The following TEKTIP1 variants were observed in gnomAD, a reference collection of about 807,000 sequenced individuals.
TEKTIP1 encodes the protein tektin bundle interacting protein 1.
At chr19:3,543,182 C>T in the TEKTIP1 span, 33 of 1,526,216 alleles carry the variant, frequency 2.2e-5, no homozygotes, top group South Asian at 3.1e-4. Context: ...GCAAAGGGGT[C>T]AAAGCACTCG....
the TEKTIP1 span, chr19:3,543,217 C>G: frequency 3.2e-6 from 5 of 1,538,604 alleles, no homozygotes; most frequent in Admixed American, 5.9e-5. Flanking sequence ...TCAGTCTCTG[C>G]CCCCTGCCCA....
the TEKTIP1 span, chr19:3,541,755 G>C: frequency 3.0e-6 from 3 of 985,270 alleles, no homozygotes; most frequent in African/African-American, 5.2e-5. Context: ...TGGCAGGTGG[G>C]TACGGGGCCG....
chr19:3,542,798 C>G, the TEKTIP1 span: 1 of 1,370,638 alleles, frequency 7.3e-7, no homozygotes, highest in African/African-American at 1.5e-5. Context: ...GTCCCCCAGT[C>G]TTCCCTGGGC....
At chr19:3,542,705 A>T in the TEKTIP1 span, 1 of 1,271,448 alleles carries the variant, frequency 7.9e-7, no homozygotes, top group Non-Finnish European at 1.0e-6. Context: ...CTGGTCTCGA[A>T]CTCCTGACCT....
At chr19:3,543,365 G>C in the TEKTIP1 span, 1 of 1,549,174 alleles carries the variant, frequency 6.5e-7, no homozygotes, top group Non-Finnish European at 8.7e-7. Flanking sequence ...CAACTCGGAC[G>C]CCTGGGAAGC....
chr19:3,543,433 G>A, the TEKTIP1 span: 4 of 1,545,598 alleles, frequency 2.6e-6, no homozygotes, highest in South Asian at 4.8e-5. Flanking sequence ...ACAACCGCTG[G>A]CACAGCTGCT....
At chr19:3,542,177 G>A in the TEKTIP1 span, 374 of 985,368 alleles carry the variant, frequency 3.8e-4, no homozygotes, top group Non-Finnish European at 4.3e-4. Context: ...AAAAGGGTGA[G>A]GTTCTCCTGA....
the TEKTIP1 span, chr19:3,541,556 C>T: frequency 8.8e-6 from 5 of 569,596 alleles, no homozygotes; most frequent in East Asian, 7.0e-4. Flanking sequence ...CTCCTGACCT[C>T]ATGATCCGCC....
the TEKTIP1 span, chr19:3,539,254 T>A: frequency 6.5e-7 from 1 of 1,548,286 alleles, no homozygotes; most frequent in Non-Finnish European, 8.7e-7. Context: ...CCAGCACCGC[T>A]GTACAGGTGA....
the TEKTIP1 span, chr19:3,543,086 G>T: frequency 1.3e-6 from 2 of 1,567,798 alleles, no homozygotes; most frequent in East Asian, 4.6e-5. Flanking sequence ...GAGGGGTACA[G>T]GGCTGAAGGA....
the TEKTIP1 span, chr19:3,539,306 T>TC: frequency 1.3e-6 from 1 of 754,902 alleles, no homozygotes; most frequent in Non-Finnish European, 1.7e-6. Flanking sequence ...CCTCCCTCCC[T>TC]CCCTCCCTGG....
the TEKTIP1 span, chr19:3,539,363 C>T: frequency 0.024 from 17,110 of 701,296 alleles, 352 homozygotes; most frequent in Non-Finnish European, 0.029. Context: ...ACGTGTCACT[C>T]GTTATTCCTA....
At chr19:3,542,156 C>T in the TEKTIP1 span, 1 of 985,354 alleles carries the variant, frequency 1.0e-6, no homozygotes, top group Non-Finnish European at 1.2e-6. Context: ...ATGTGTCTTG[C>T]AATTCATTTC....
chr19:3,541,704 G>A, the TEKTIP1 span: 3 of 985,278 alleles, frequency 3.0e-6, no homozygotes, highest in Non-Finnish European at 3.6e-6. Flanking sequence ...GTGAGTGCAT[G>A]TACCACCTGC....
At chr19:3,540,254 A>G in the TEKTIP1 span, among the ~76,000 whole-genome samples, 1 of 148,972 alleles carries the variant, frequency 6.7e-6, no homozygotes, top group Admixed American at 6.6e-5. Flanking sequence ...CCACATGCCC[A>G]GCTAATTTTT....
chr19:3,542,619 G>GC, the TEKTIP1 span: 4 of 752,702 alleles, frequency 5.3e-6, no homozygotes, highest in African/African-American at 5.7e-5. Context: ...GATTACAGGT[G>GC]CCCCCCGCCC....
the TEKTIP1 span, chr19:3,543,596 A>G: frequency 1.2e-5 from 19 of 1,533,814 alleles, no homozygotes; most frequent in East Asian, 2.5e-5. Context: ...GCATGACCCC[A>G]TCGTCCCTGC....
the TEKTIP1 span, chr19:3,543,080 G>A: frequency 1.3e-6 from 2 of 1,577,816 alleles, no homozygotes; most frequent in Non-Finnish European, 1.7e-6. Flanking sequence ...TGGGGTGAGG[G>A]GTACAGGGCT....
chr19:3,542,437 C>A, the TEKTIP1 span: 1 of 985,250 alleles, frequency 1.0e-6, no homozygotes, highest in Non-Finnish European at 1.2e-6. Context: ...GGACATATTC[C>A]CAAGAGCAAG....
Sources: allele counts gnomAD v4.1 joint callset (sites outside exome capture counted in the v4.1 genomes callset), GRCh38; gene constraint gnomAD v4.1.1; transcripts MANE v1.5; gene names NCBI Gene and HGNC (gene_info 2026-07-23, HGNC 2026-07-21).